GABRA1: variants seen among roughly 807,000 people sequenced by gnomAD.
GABRA1 encodes the protein gamma-aminobutyric acid type A receptor subunit alpha1.
GABRA1 carries 9 observed loss-of-function variants against 48.9 expected under a neutral mutation model. The ratio of observed to expected loss-of-function variants is 0.18; its 90% CI spans 0.11 to 0.32. The LOEUF is 0.32. GABRA1 is among the 10% of genes least tolerant of loss of function. The pLI is 1.00. For missense variants in GABRA1, 285 were observed against 553.8 expected (o/e 0.51, Z 4.87); for synonymous variants, 210 against 198.7 (o/e 1.06, Z -0.48).
intron 3 of GABRA1, among the ~76,000 whole-genome samples, chr5:161,861,012 G>A (rs371600034): frequency 1.3e-5 from 2 of 151,588 alleles, no homozygotes; most frequent in Non-Finnish European, 3.0e-5. Flanking sequence ...GAAAAATAAC[G>A]TAGTGTTCCT....
chr5:161,897,056 T>C, intron 9 of GABRA1, 55 bp from the exon 10 acceptor site: 2 of 1,549,114 alleles, frequency 1.3e-6, no homozygotes, highest in East Asian at 2.2e-5. Context: ...CAGCAACTTA[T>C]AATTTTGCTT....
intron 3 of GABRA1, 58 bp downstream of exon 3, chr5:161,854,328 A>G (rs909372296): frequency 9.0e-6 from 8 of 892,554 alleles, no homozygotes; most frequent in South Asian, 1.3e-5. Flanking sequence ...TTACTATCAC[A>G]GCCTTAATTT....
At chr5:161,870,213 A>G (rs1581194683) in intron 4 of GABRA1, among the ~76,000 whole-genome samples, 1 of 152,112 alleles carries the variant, frequency 6.6e-6, no homozygotes, top group South Asian at 2.1e-4. Context: ...ACTTACATCC[A>G]TAGTCATTAT....
intron 3 of GABRA1, among the ~76,000 whole-genome samples, chr5:161,861,254 C>G (rs1480789274): frequency 6.6e-6 from 1 of 151,796 alleles, no homozygotes; most frequent in Non-Finnish European, 1.5e-5. Context: ...ATCCAAACAT[C>G]TCAGGTACTC....
intron 9 of GABRA1, among the ~76,000 whole-genome samples, 181 bp from the exon 10 acceptor site, chr5:161,896,930 A>C (rs1755394261): frequency 6.6e-6 from 1 of 152,212 alleles, no homozygotes; most frequent in African/African-American, 2.4e-5. Context: ...TGATGGCAAA[A>C]GGCTATTAAA....
chr5:161,850,385 C>A, intron 1 of GABRA1: 1 of 392,236 alleles, frequency 2.5e-6, no homozygotes, highest in Non-Finnish European at 4.5e-6. Flanking sequence ...TTAGAGACAC[C>A]AGCTTAAAAA....
intron 7 of GABRA1, among the ~76,000 whole-genome samples, chr5:161,888,430 AG>A (rs1259216117): frequency 6.6e-6 from 1 of 152,132 alleles, no homozygotes; most frequent in African/African-American, 2.4e-5. Flanking sequence ...TTAGGGAAAA[AG>A]TTGTTTATAA....
rs886060371 is a variant in GABRA1 at position 161,899,259 on chromosome 5, C to G, written c.*1837C>G. ...AAAATACATTGTGTTTTCCTAAACA[C>G]ACTTTTCTTTTTAAATGTGCTTCAT... On this transcript the variant is annotated 3_prime_UTR_variant, in exon 10 of 10. Coordinates refer to ENST00000393943, the MANE Select transcript of GABRA1 (RefSeq NM_001127644.2). 10 of 152,566 alleles carry G rather than the reference C, an allele frequency of 6.6e-5. No homozygotes were observed. Among genetic ancestry groups the G allele is most frequent in the Non-Finnish European group, 2.9e-5 (2 of 68,000 alleles). The allele number at this position is 152,566 out of a possible 1,614,324, so 9.5% of individuals were successfully genotyped here. A position where few individuals can be genotyped will look rare whatever the true frequency, so the allele number is the denominator to read the frequency against.
At chr5:161,886,153 T>C (rs4554269) in intron 7 of GABRA1, among the ~76,000 whole-genome samples, 56,382 of 151,908 alleles carry the variant, frequency 0.37, 10,777 homozygotes, top group East Asian at 0.54. Flanking sequence ...GAACTGGGAT[T>C]TGAACCTGGG....
intron 6 of GABRA1, among the ~76,000 whole-genome samples, chr5:161,880,780 G>A (rs144972909): frequency 1.3e-5 from 2 of 152,102 alleles, no homozygotes; most frequent in Non-Finnish European, 2.9e-5. Flanking sequence ...GGACTGAAAG[G>A]CATGGCTCAC....
intron 3 of GABRA1, among the ~76,000 whole-genome samples, chr5:161,864,330 T>A (rs1022469687): frequency 6.6e-6 from 1 of 152,046 alleles, no homozygotes; most frequent in Non-Finnish European, 1.5e-5. Flanking sequence ...ATTAGGTATA[T>A]CTCCCAATGC....
intron 3 of GABRA1, among the ~76,000 whole-genome samples, chr5:161,858,229 C>A (rs771954899): frequency 2.0e-5 from 3 of 151,246 alleles, no homozygotes; most frequent in African/African-American, 7.3e-5. Flanking sequence ...CCTCTTTGCC[C>A]GTATTATAAT....
intron 7 of GABRA1, among the ~76,000 whole-genome samples, chr5:161,888,770 T>C (rs538554194): frequency 1.3e-5 from 2 of 152,144 alleles, no homozygotes; most frequent in East Asian, 3.9e-4. Flanking sequence ...CTTTCTTCTT[T>C]TCAAATGACC....
chr5:161,862,334 T>G (rs1367928747), intron 3 of GABRA1, among the ~76,000 whole-genome samples: 2 of 151,948 alleles, frequency 1.3e-5, no homozygotes, highest in Non-Finnish European at 2.9e-5. Context: ...CTGCACTTTC[T>G]GTTTCTTAAA....
intron 9 of GABRA1, among the ~76,000 whole-genome samples, chr5:161,896,316 G>T (rs185958527): frequency 6.6e-6 from 1 of 152,116 alleles, no homozygotes; most frequent in Non-Finnish European, 1.5e-5. Flanking sequence ...AATTAAGTTT[G>T]CCACATGAAC....
intron 3 of GABRA1, among the ~76,000 whole-genome samples, chr5:161,858,661 C>A (rs1023665031): frequency 5.3e-5 from 8 of 151,756 alleles, no homozygotes; most frequent in African/African-American, 1.9e-4. Flanking sequence ...ACATTCATTT[C>A]ACTTCTTGGA....
chr5:161,881,315 T>A (rs1427889290), intron 6 of GABRA1, among the ~76,000 whole-genome samples: 1 of 152,148 alleles, frequency 6.6e-6, no homozygotes, highest in Non-Finnish European at 1.5e-5. Flanking sequence ...CATTCCAACC[T>A]ATGTGAAGTG....
chr5:161,861,897 T>C (rs982916390), intron 3 of GABRA1, among the ~76,000 whole-genome samples: 1 of 151,866 alleles, frequency 6.6e-6, no homozygotes, highest in Non-Finnish European at 1.5e-5. Context: ...CCTACCTCTG[T>C]GAATCAATAG....
At chr5:161,861,456 T>C (rs1034426386) in intron 3 of GABRA1, among the ~76,000 whole-genome samples, 15 of 151,826 alleles carry the variant, frequency 9.9e-5, no homozygotes, top group African/African-American at 3.6e-4. Context: ...GGAAATAAGA[T>C]AAATAGCTCC....
Sources: allele counts gnomAD v4.1 joint callset (sites outside exome capture counted in the v4.1 genomes callset), GRCh38; gene constraint gnomAD v4.1.1; transcripts MANE v1.5; gene names NCBI Gene and HGNC (gene_info 2026-07-23, HGNC 2026-07-21).